CSMD2: variants seen among roughly 807,000 people sequenced by gnomAD.
The protein encoded by CSMD2 is CUB and Sushi multiple domains 2, also known as CUB and sushi domain-containing protein 2.
In CSMD2, 130 loss-of-function variants were observed where a neutral mutation model predicts 398.5. That is an observed-to-expected ratio of 0.33 (90% CI 0.28 to 0.38). The LOEUF (loss-of-function observed/expected upper bound fraction) is 0.38, where lower values mean the gene tolerates loss of function less well. Ranked by LOEUF, CSMD2 falls within the 10% of genes least tolerant of loss-of-function variation. The pLI is 1.00. For missense variants in CSMD2, 3,829 were observed against 4,764.9 expected (o/e 0.80, Z 5.78); for synonymous variants, 1,828 against 1,908.5 (o/e 0.96, Z 1.10).
At chr1:34,070,608 C>T (rs1284590588) in intron 2 of CSMD2, among the ~76,000 whole-genome samples, 1 of 152,228 alleles carries the variant, frequency 6.6e-6, no homozygotes, top group African/African-American at 2.4e-5. Flanking sequence ...AGAGGAGTAA[C>T]ACTGGGCACT....
At chr1:33,705,138 A>G (rs992468093) in intron 22 of CSMD2, among the ~76,000 whole-genome samples, 3 of 152,176 alleles carry the variant, frequency 2.0e-5, no homozygotes, top group Non-Finnish European at 4.4e-5. Context: ...GATAAATTAT[A>G]GCTGAATATA....
rs553457364 is a variant in CSMD2, at chr1:34,047,157, G to A, written c.405-14451C>T. On this transcript the variant is annotated intron_variant, in intron 2 of 70. Coordinates refer to ENST00000373381, the MANE Select transcript of CSMD2 (RefSeq NM_001281956.2). Reference sequence around the variant, plus strand: ...AGGGAATCCTCTGCTGCCACTACCCGCTCCCACTCCATCACCACCCTCCTT... The same window carrying A: ...AGGGAATCCTCTGCTGCCACTACCCACTCCCACTCCATCACCACCCTCCTT... Among the ~76,000 whole-genome samples the A allele has an allele frequency of 3.3e-5, 5 of 152,056 alleles. No individual in the cohort carries two copies. The East Asian group carries it at 7.7e-4, about 24-fold the overall frequency.
chr1:33,595,136 T>G (rs1214008955), intron 44 of CSMD2, among the ~76,000 whole-genome samples: 1 of 152,260 alleles, frequency 6.6e-6, no homozygotes, highest in African/African-American at 2.4e-5. Context: ...AATTTATTGA[T>G]CCAGTTCAGA....
rs1190662951 is a variant in CSMD2, at chr1:33,943,947, C to T, written c.518-7993G>A. On this transcript the variant is annotated intron_variant, in intron 3 of 70. Transcript: ENST00000373381. ...AATTACACACACACACACACACACACACACACACACACACGAAGCAATAAA... is the reference window on the plus strand; with the variant it reads ...AATTACACACACACACACACACACATACACACACACACACGAAGCAATAAA... Among the ~76,000 whole-genome samples, 93 of 151,680 alleles carry T rather than the reference C, an allele frequency of 6.1e-4. 1 individual carries two copies. Among genetic ancestry groups the T allele is most frequent in the Non-Finnish European group, 2.8e-4 (19 of 67,966 alleles).
chr1:33,828,835 T>C (rs907684592), intron 6 of CSMD2, among the ~76,000 whole-genome samples: 2 of 152,210 alleles, frequency 1.3e-5, no homozygotes, highest in African/African-American at 2.4e-5. Context: ...TTAATATTCA[T>C]TGGGCTGCTT....
chr1:33,545,231 G>A (rs1304838135), intron 57 of CSMD2, among the ~76,000 whole-genome samples: 1 of 152,162 alleles, frequency 6.6e-6, no homozygotes, highest in Admixed American at 6.5e-5. Context: ...GAAAGAGAGA[G>A]ACAGAGAGAT....
intron 3 of CSMD2, among the ~76,000 whole-genome samples, chr1:34,016,898 CCT>C (rs1273276826): frequency 2.6e-5 from 4 of 152,078 alleles, no homozygotes; most frequent in Non-Finnish European, 4.4e-5. Flanking sequence ...ATCATGCAAC[CCT>C]CAGGGCTATA....
intron 1 of CSMD2, among the ~76,000 whole-genome samples, chr1:34,143,338 T>G (rs1341691699): frequency 6.6e-6 from 1 of 152,280 alleles, no homozygotes; most frequent in East Asian, 1.9e-4. Flanking sequence ...CTCAGTCTTT[T>G]CTACACTAAC....
chr1:33,532,474 C>T (rs1038128629), intron 64 of CSMD2, among the ~76,000 whole-genome samples: 1 of 152,192 alleles, frequency 6.6e-6, no homozygotes, highest in East Asian at 1.9e-4. Context: ...TCCTTTCCCC[C>T]ACTTTAGTGC....
intron 13 of CSMD2, among the ~76,000 whole-genome samples, chr1:33,761,415 G>GC (rs1219587446): frequency 2.0e-5 from 3 of 152,228 alleles, no homozygotes; most frequent in Non-Finnish European, 2.9e-5. Context: ...GCTAAGGTTA[G>GC]CTTCAGCTGC....
intron 55 of CSMD2, among the ~76,000 whole-genome samples, chr1:33,552,348 G>T (rs1430417213): frequency 1.3e-5 from 2 of 152,218 alleles, no homozygotes; most frequent in African/African-American, 2.4e-5. Flanking sequence ...CAGTTTGGCA[G>T]TTCCTCAAAA....
intron 25 of CSMD2, among the ~76,000 whole-genome samples, chr1:33,682,620 G>C (rs1385129917): frequency 6.6e-6 from 1 of 152,176 alleles, no homozygotes; most frequent in Non-Finnish European, 1.5e-5. Context: ...AGTTGTGGTG[G>C]TTTTGTAAAT....
chr1:33,888,756 T>TTTTTTTTTGTTG (rs1553244524), intron 5 of CSMD2, among the ~76,000 whole-genome samples: 17 of 148,938 alleles, frequency 1.1e-4, no homozygotes, highest in African/African-American at 3.7e-4. Context: ...TCAACTGATT[T>TTTTTTTTTGTTG]TTGTTGTTGT....
chr1:34,013,854 C>T (rs1647712048), intron 3 of CSMD2, among the ~76,000 whole-genome samples: 1 of 152,120 alleles, frequency 6.6e-6, no homozygotes, highest in Non-Finnish European at 1.5e-5. Context: ...CTCCAACTTA[C>T]ATGGGCAGAT....
Position 33,519,496 on chromosome 1 carries a change from T to G in CSMD2, c.*22A>C, listed in dbSNP as rs1461017274. ...CTGGAGGCGGGGCTCTCGGTGGCGG[T>G]GGTGGCGGCCAGGCCGGGTGGCTAT... On this transcript the variant is annotated 3_prime_UTR_variant, in exon 70 of 71. Coordinates refer to ENST00000373381, the MANE Select transcript of CSMD2 (RefSeq NM_001281956.2). The surrounding 1 kb of genome is among the most constrained non-coding windows in gnomAD (Gnocchi z 5.6). The G allele has an allele frequency of 6.6e-6, 10 of 1,506,734 alleles. No homozygotes were observed. The highest frequency in any genetic ancestry group is 8.1e-6 in the Non-Finnish European group (9 of 1,115,680). The allele number at this position is 1,506,734 out of a possible 1,614,324, so 93.3% of individuals were successfully genotyped here. A position where few individuals can be genotyped will look rare whatever the true frequency, so the allele number is the denominator to read the frequency against.
chr1:33,883,521 G>A (rs1360265931), intron 5 of CSMD2, among the ~76,000 whole-genome samples: 1 of 151,842 alleles, frequency 6.6e-6, no homozygotes, highest in Non-Finnish European at 1.5e-5. Flanking sequence ...TAGTTGTATC[G>A]AGATAGCCTA....
chr1:33,975,486 T>TACACGCACACACAC (rs1645926122), intron 3 of CSMD2, among the ~76,000 whole-genome samples: 1 of 146,360 alleles, frequency 6.8e-6, no homozygotes, highest in African/African-American at 2.5e-5. Flanking sequence ...CTCCCAAGTG[T>TACACGCACACACAC]ACACACACAC....
intron 26 of CSMD2, among the ~76,000 whole-genome samples, chr1:33,662,104 A>T (rs1644156413): frequency 6.6e-6 from 1 of 152,220 alleles, no homozygotes; most frequent in Non-Finnish European, 1.5e-5. Flanking sequence ...AGGACCAATC[A>T]TATAAATTAT....
intron 6 of CSMD2, among the ~76,000 whole-genome samples, chr1:33,827,334 G>A (rs7527126): frequency 0.12 from 17,975 of 152,138 alleles, 1,902 homozygotes; most frequent in African/African-American, 0.29. Context: ...ATTTGGCCTC[G>A]ATTGCTCTTC....
Sources: gnomAD v4.1 joint callset for allele counts (sites outside exome capture counted in the v4.1 genomes callset) on GRCh38, gnomAD v4.1.1 for gene constraint, Gnocchi (gnomAD v3.1) non-coding constraint, MANE v1.5 for transcripts, NCBI Gene and HGNC (gene_info 2026-07-23, HGNC 2026-07-21) for gene names.